UBE3A: variants seen among roughly 807,000 people sequenced by gnomAD.
UBE3A encodes ubiquitin protein ligase E3A, also known as ubiquitin-protein ligase E3A.
UBE3A carries 6 observed loss-of-function variants against 83.4 expected under a neutral mutation model. That is an observed-to-expected ratio of 0.07 (90% CI 0.04 to 0.14). The LOEUF (loss-of-function observed/expected upper bound fraction) is 0.14. UBE3A is among the 10% of genes least tolerant of loss of function. The probability of loss-of-function intolerance (pLI) is 1.00; values close to 1 mark genes in which losing one functional copy is unlikely to be tolerated. For synonymous variants in UBE3A, 337 were observed against 355.4 expected (o/e 0.95, Z 0.58); for missense variants, 456 against 1,036.1 (o/e 0.44, Z 7.69).
intron 4 of UBE3A, among the ~76,000 whole-genome samples, chr15:25,398,771 TTATATATATATATATATATA>T (rs1159969391): frequency 0.038 from 2,636 of 68,982 alleles, 230 homozygotes; most frequent in Middle Eastern, 0.067. Flanking sequence ...ATTCTTTTAT[TTATATATATATATATATATA>T]TATATATATA....
chr15:25,399,872 T>G lies in UBE3A; in HGVS notation c.62+5589A>C, dbSNP rs78964954. Among the ~76,000 whole-genome samples, 1,331 of 152,308 alleles carry G rather than the reference T, an allele frequency of 8.7e-3. 44 individuals carry two copies. Among genetic ancestry groups the G allele is most frequent in the East Asian group, 0.085 (438 of 5,170 alleles). On this transcript the variant is annotated intron_variant, in intron 4 of 12. Coordinates refer to ENST00000648336, the MANE Select transcript of UBE3A (RefSeq NM_130839.5). ...GAATACACGTGTGAGCAACTGTGCC[T>G]GGCCTGTCTACTTCTATGTGACTAT... is the stretch of plus-strand genomic sequence containing the variant.
intron 4 of UBE3A, 58 bp from the exon 5 acceptor site, chr15:25,375,821 C>G: frequency 6.3e-7 from 1 of 1,589,006 alleles, no homozygotes; most frequent in Non-Finnish European, 8.5e-7. Flanking sequence ...AAGTACAAAG[C>G]TCAACATATC....
chr15:25,432,842 A>C (rs1305630065), intron 1 of UBE3A, among the ~76,000 whole-genome samples: 1 of 152,198 alleles, frequency 6.6e-6, no homozygotes, highest in African/African-American at 2.4e-5. Flanking sequence ...TGCAGACCTT[A>C]ATAAATAAAG....
At chr15:25,389,482 C>T (rs1234986735) in intron 4 of UBE3A, among the ~76,000 whole-genome samples, 1 of 152,122 alleles carries the variant, frequency 6.6e-6, no homozygotes, top group African/African-American at 2.4e-5. Context: ...AAATTGTCTA[C>T]TTGTTTCTTA....
At chr15:25,432,630 T>G (rs1164339545) in intron 1 of UBE3A, among the ~76,000 whole-genome samples, 1 of 152,176 alleles carries the variant, frequency 6.6e-6, no homozygotes, top group African/African-American at 2.4e-5. Flanking sequence ...TTTTCTCATG[T>G]TTGGTTTCTA....
chr15:25,423,903 A>T (rs182771385), intron 1 of UBE3A, among the ~76,000 whole-genome samples: 49 of 152,240 alleles, frequency 3.2e-4, no homozygotes, highest in African/African-American at 9.1e-4. Context: ...ATTTCAACAT[A>T]TATCAAGAAT....
rs150154416 is a variant in UBE3A, at chr15:25,349,954, T to C, written c.2354+4399A>G. Among the ~76,000 whole-genome samples the C allele has an allele frequency of 9.0e-3, 1,370 of 152,282 alleles. 10 individuals are homozygous for C. Among genetic ancestry groups the C allele is most frequent in the Non-Finnish European group, 0.015 (1,047 of 68,026 alleles). On this transcript the variant is annotated intron_variant, in intron 11 of 12. Transcript: ENST00000648336. ...GGAGATTTCACCATGTTACTCAGAATAGCATGTAATTTAAAACTTAAGAGT... is the reference window on the plus strand; with the variant it reads ...GGAGATTTCACCATGTTACTCAGAACAGCATGTAATTTAAAACTTAAGAGT...
At chr15:25,420,165 T>C (rs1889058023) in intron 1 of UBE3A, among the ~76,000 whole-genome samples, 1 of 152,002 alleles carries the variant, frequency 6.6e-6, no homozygotes, top group Non-Finnish European at 1.5e-5. Context: ...CACAGCAAAA[T>C]GATATAATGT....
chr15:25,351,506 G>T (rs1224792134), intron 11 of UBE3A, among the ~76,000 whole-genome samples: 1 of 152,210 alleles, frequency 6.6e-6, no homozygotes, highest in Admixed American at 6.5e-5. Flanking sequence ...ATCTCACTCT[G>T]TTGCCCAGGC....
Position 25,388,774 on chromosome 15 carries a change from G to A in UBE3A, c.63-13011C>T, listed in dbSNP as rs143303152. On this transcript the variant is annotated intron_variant, in intron 4 of 12. Transcript: ENST00000648336. Reference sequence around the variant, plus strand: ...AATAAGTGATTATAGCAAAGCTGCAGGATACAAGGTTCATATAAAAAAGTT... The same window carrying A: ...AATAAGTGATTATAGCAAAGCTGCAAGATACAAGGTTCATATAAAAAAGTT... Among the ~76,000 whole-genome samples, 896 of 152,208 alleles carry A rather than the reference G, an allele frequency of 5.9e-3. 10 individuals are homozygous for A. The highest frequency in any genetic ancestry group is 0.021 in the African/African-American group (855 of 41,538).
Position 25,375,769 on chromosome 15 carries a change from CCAAACATT to C in UBE3A, c.63-14_63-7del, listed in dbSNP as rs794727306. 2 of 1,607,520 alleles carry C rather than the reference CCAAACATT, an allele frequency of 1.2e-6. No homozygotes were observed. The highest frequency in any genetic ancestry group is 8.5e-7 in the Non-Finnish European group (1 of 1,179,988). ...GCTTTGCAGCTGCTCGCTTCCTGTACCAAACATTCAAACAATAAGCACAGTGATTAGTA... is the reference window on the plus strand; with the variant it reads ...GCTTTGCAGCTGCTCGCTTCCTGTACCAAACAATAAGCACAGTGATTAGTA... On this transcript the variant is annotated splice_region_variant and splice_polypyrimidine_tract_variant and intron_variant, in intron 4 of 12. Transcript: ENST00000648336.
At chr15:25,430,097 A>G (rs1388390146) in intron 1 of UBE3A, among the ~76,000 whole-genome samples, 21 of 96,900 alleles carry the variant, frequency 2.2e-4, no homozygotes, top group African/African-American at 4.2e-4. Flanking sequence ...GATTATATAT[A>G]TATTATATAT....
At chr15:25,376,560 T>A (rs2081253561) in intron 4 of UBE3A, among the ~76,000 whole-genome samples, 1 of 152,046 alleles carries the variant, frequency 6.6e-6, no homozygotes, top group South Asian at 2.1e-4. Flanking sequence ...TGAGGATCAC[T>A]TGAGCCTGAG....
chr15:25,367,274 T>C (rs1361525047), intron 6 of UBE3A, among the ~76,000 whole-genome samples: 1 of 130,962 alleles, frequency 7.6e-6, no homozygotes, highest in Non-Finnish European at 1.6e-5. Context: ...TGTAAATATT[T>C]ACATATTTAA....
At chr15:25,388,324 A>C (rs1319445033) in intron 4 of UBE3A, among the ~76,000 whole-genome samples, 1 of 152,246 alleles carries the variant, frequency 6.6e-6, no homozygotes, top group Admixed American at 6.5e-5. Context: ...ATATTGGAAA[A>C]TCAATTAATG....
rs79032599 is a variant in UBE3A at position 25,393,019 on chromosome 15, A to G, written c.62+12442T>C. ...ACCCACTACATTCATAAACCATTAG[A>G]TAAGAACTAAAACACAAGGAGTCAC... On this transcript the variant is annotated intron_variant, in intron 4 of 12. Coordinates refer to ENST00000648336, the MANE Select transcript of UBE3A (RefSeq NM_130839.5). Among the ~76,000 whole-genome samples, 509 of 152,276 alleles carry G rather than the reference A, an allele frequency of 3.3e-3. 1 individual carries two copies. Among genetic ancestry groups the G allele is most frequent in the Non-Finnish European group, 5.1e-3 (349 of 68,014 alleles).
At chr15:25,339,411 C>G in intron 12 of UBE3A, 154 bp from the exon 13 acceptor site, 1 of 902,344 alleles carries the variant, frequency 1.1e-6, no homozygotes. Context: ...TGTTGTGTAA[C>G]TACCAAGTTG....
At chr15:25,418,206 T>C (rs61396551) in intron 1 of UBE3A, 6 of 152,150 alleles carry the variant, frequency 3.9e-5, no homozygotes, top group African/African-American at 9.7e-5. Flanking sequence ...TATGATCTCG[T>C]TGACTGAAAT....
rs1297356801 is a variant in UBE3A, at chr15:25,335,799, A to G, written c.*3338T>C. On this transcript the variant is annotated 3_prime_UTR_variant, in exon 13 of 13. Coordinates refer to ENST00000648336, the MANE Select transcript of UBE3A (RefSeq NM_130839.5). ...GAGTGACTGAGGTTGACTAGAGGGA[A>G]CTGGGCAAGAACAGGTAAGGACTTT... 1 of 152,196 alleles carries G rather than the reference A, an allele frequency of 6.6e-6. No individual in the cohort carries two copies. Among genetic ancestry groups the G allele is most frequent in the Non-Finnish European group, 1.5e-5 (1 of 68,056 alleles). 9.4% of individuals were successfully genotyped at this position (152,196 alleles called of 1,614,324 possible). A position where few individuals can be genotyped will look rare whatever the true frequency, so the allele number is the denominator to read the frequency against.
Sources: allele counts gnomAD v4.1 joint callset (sites outside exome capture counted in the v4.1 genomes callset), GRCh38; gene constraint gnomAD v4.1.1; transcripts MANE v1.5; gene names NCBI Gene and HGNC (gene_info 2026-07-23, HGNC 2026-07-21).